ADK: variants seen among roughly 807,000 people sequenced by gnomAD.
The protein encoded by ADK is N6,N6-dimethyladenosine kinase.
In ADK, 24 loss-of-function variants were observed where a neutral mutation model predicts 44.7. That is an observed-to-expected ratio of 0.54 (90% confidence interval 0.39 to 0.76). ADK has a LOEUF of 0.76. Among genes scored for constraint, ADK ranks in the 30% least tolerant of loss-of-function variants. ADK has a pLI of 0.00. For missense variants in ADK, 321 were observed against 425.1 expected, an observed-to-expected ratio of 0.76 and a Z score of 2.15; for synonymous variants, 128 against 142.6, an observed-to-expected ratio of 0.90 and a Z score of 0.73.
intron 10 of ADK, among the ~76,000 whole-genome samples, chr10:74,678,410 G>C (rs746168853): frequency 6.6e-6 from 1 of 152,192 alleles, no homozygotes; most frequent in Admixed American, 6.5e-5. Context: ...AAAAGAGAGA[G>C]AGAAATCACT....
intron 3 of ADK, among the ~76,000 whole-genome samples, chr10:74,286,327 C>T (rs1415675265): frequency 6.6e-6 from 1 of 152,210 alleles, no homozygotes; most frequent in Non-Finnish European, 1.5e-5. Flanking sequence ...AGTGGGACTG[C>T]AGGTGCGAGT....
chr10:74,271,710 A>C (rs543142577), intron 3 of ADK, among the ~76,000 whole-genome samples: 128 of 149,714 alleles, frequency 8.5e-4, no homozygotes, highest in African/African-American at 3.1e-3. Context: ...ATGATTTCCA[A>C]TTTCATCCAT....
intron 3 of ADK, among the ~76,000 whole-genome samples, chr10:74,260,169 A>G (rs1845991375): frequency 1.3e-5 from 2 of 151,762 alleles, no homozygotes; most frequent in South Asian, 4.2e-4. Flanking sequence ...CTCTGTTCCC[A>G]CTCCCCCCAA....
chr10:74,438,150 G>A (rs1450908585), intron 6 of ADK, among the ~76,000 whole-genome samples: 1 of 151,598 alleles, frequency 6.6e-6, no homozygotes, highest in African/African-American at 2.4e-5. Context: ...CTTTGTTGCA[G>A]TTATCTCCAT....
chr10:74,309,706 A>G (rs1840371545), intron 3 of ADK, among the ~76,000 whole-genome samples: 1 of 151,948 alleles, frequency 6.6e-6, no homozygotes, highest in Admixed American at 6.6e-5. Context: ...ATCACTCTTG[A>G]AAAGAAAAAG....
chr10:74,516,378 A>G (rs537410878), intron 6 of ADK, among the ~76,000 whole-genome samples: 27 of 152,068 alleles, frequency 1.8e-4, no homozygotes, highest in African/African-American at 6.5e-4. Flanking sequence ...AGTGCACCCC[A>G]CTACTCTTCC....
At chr10:74,586,967 C>T (rs1317762592) in intron 7 of ADK, among the ~76,000 whole-genome samples, 4 of 151,358 alleles carry the variant, frequency 2.6e-5, no homozygotes, top group African/African-American at 9.7e-5. Context: ...TATATTTGAG[C>T]AAAACTGGAC....
chr10:74,231,300 T>C (rs1844754441), intron 3 of ADK, among the ~76,000 whole-genome samples: 1 of 152,156 alleles, frequency 6.6e-6, no homozygotes. Flanking sequence ...TAGTTTTTTC[T>C]TTTTCCTTCC....
chr10:74,469,402 C>T (rs1439393429), intron 6 of ADK, among the ~76,000 whole-genome samples: 1 of 152,050 alleles, frequency 6.6e-6, no homozygotes, highest in Non-Finnish European at 1.5e-5. Context: ...CTGTGTCACC[C>T]AGAACTGGAG....
chr10:74,613,203 C>T (rs575852314), intron 9 of ADK, among the ~76,000 whole-genome samples: 1 of 152,102 alleles, frequency 6.6e-6, no homozygotes, highest in Admixed American at 6.6e-5. Context: ...TTTGAGAATG[C>T]GGGCAGTACA....
intron 9 of ADK, among the ~76,000 whole-genome samples, chr10:74,614,578 A>G (rs1852676161): frequency 6.6e-6 from 1 of 151,984 alleles, no homozygotes. Flanking sequence ...GAAGGTAACC[A>G]TTGTCTTAGC....
At chr10:74,235,144 T>TC (rs539561380) in intron 3 of ADK, among the ~76,000 whole-genome samples, 32 of 150,622 alleles carry the variant, frequency 2.1e-4, no homozygotes, top group African/African-American at 7.4e-4. Context: ...TTTTTTTTTT[T>TC]CTGAAACTTT....
chr10:74,327,525 G>A (rs1295385188), intron 4 of ADK, among the ~76,000 whole-genome samples: 1 of 152,180 alleles, frequency 6.6e-6, no homozygotes, highest in Admixed American at 6.5e-5. Flanking sequence ...CAAGAGTGCA[G>A]TTTAAACCTA....
At chr10:74,278,610 T>C (rs536145704) in intron 3 of ADK, among the ~76,000 whole-genome samples, 2 of 152,314 alleles carry the variant, frequency 1.3e-5, no homozygotes, top group South Asian at 4.1e-4. Context: ...TAGTTAAACT[T>C]CTTTCTTTTG....
chr10:74,585,603 GTTGT>G (rs1388780728), intron 7 of ADK, among the ~76,000 whole-genome samples: 2 of 152,186 alleles, frequency 1.3e-5, no homozygotes, highest in Admixed American at 6.5e-5. Context: ...CTCTGTGTCG[GTTGT>G]TTATTTCCTT....
chr10:74,482,248 C>T (rs561969937), intron 6 of ADK, among the ~76,000 whole-genome samples: 8 of 152,252 alleles, frequency 5.3e-5, no homozygotes, highest in African/African-American at 1.4e-4. Context: ...GAAGGGGAAG[C>T]AGGCACATCT....
chr10:74,671,925 A>T (rs993529889), intron 10 of ADK, among the ~76,000 whole-genome samples: 1 of 152,162 alleles, frequency 6.6e-6, no homozygotes, highest in Non-Finnish European at 1.5e-5. Context: ...TCTGTTACAG[A>T]CACCTAACTA....
intron 7 of ADK, among the ~76,000 whole-genome samples, chr10:74,552,013 G>GTATTGTTTTA (rs748572646): frequency 6.6e-6 from 1 of 151,610 alleles, no homozygotes; most frequent in Non-Finnish European, 1.5e-5. Context: ...ATGGTTTTTT[G>GTATTGTTTTA]TATTATTATT....
intron 8 of ADK, among the ~76,000 whole-genome samples, chr10:74,590,576 A>G (rs896841568): frequency 7.9e-5 from 12 of 152,178 alleles, no homozygotes; most frequent in African/African-American, 2.9e-4. Flanking sequence ...CAGAGTAGGG[A>G]AACTTGCTTC....
Sources: allele counts gnomAD v4.1 joint callset (sites outside exome capture counted in the v4.1 genomes callset), GRCh38; gene constraint gnomAD v4.1.1; transcripts MANE v1.5; gene names NCBI Gene and HGNC (gene_info 2026-07-23, HGNC 2026-07-21).